SCN1A: variants seen among roughly 807,000 people sequenced by gnomAD.
SCN1A encodes sodium channel protein type 1 subunit alpha.
In SCN1A, 13 loss-of-function variants were observed where a neutral mutation model predicts 193.7. The observed-to-expected ratio is 0.07, with a 90% CI of 0.04 to 0.11. The LOEUF (loss-of-function observed/expected upper bound fraction) is 0.11. SCN1A is among the 10% of genes least tolerant of loss of function. The pLI, the probability that SCN1A is intolerant of heterozygous loss-of-function variation, is 1.00. For missense variants in SCN1A, 1,432 were observed against 2,451.1 expected, an observed-to-expected ratio of 0.58 and a Z score of 8.78; for synonymous variants, 781 against 843.6, an observed-to-expected ratio of 0.93 and a Z score of 1.29.
intron 28 of SCN1A, chr2:165,993,210 T>TGTGTGAGA (rs1344882182): frequency 8.1e-6 from 1 of 122,764 alleles, no homozygotes; most frequent in Non-Finnish European, 1.8e-5. Context: ...TGTGTGTGTG[T>TGTGTGAGA]GAGAGAGAGA....
intron 2 of SCN1A, among the ~76,000 whole-genome samples, chr2:166,080,177 A>G (rs1191732957): frequency 6.6e-6 from 1 of 151,758 alleles, no homozygotes; most frequent in East Asian, 1.9e-4. Flanking sequence ...TTTATAACAG[A>G]AGACTTAATT....
chr2:166,034,702 A>T (rs988800884), intron 19 of SCN1A, among the ~76,000 whole-genome samples: 1 of 152,212 alleles, frequency 6.6e-6, no homozygotes, highest in Admixed American at 6.5e-5. Context: ...TCTAACCTTC[A>T]ATATGACTGT....
chr2:166,020,068 G>A (rs1693824877), intron 19 of SCN1A, among the ~76,000 whole-genome samples: 1 of 151,914 alleles, frequency 6.6e-6, no homozygotes, highest in Non-Finnish European at 1.5e-5. Context: ...CCGCCACCAT[G>A]CCCGGCTAAT....
intron 1 of SCN1A, among the ~76,000 whole-genome samples, chr2:166,133,588 A>G (rs1691743902): frequency 6.6e-6 from 1 of 152,190 alleles, no homozygotes; most frequent in South Asian, 2.1e-4. Context: ...CAGCACTTCA[A>G]AAATTACTAT....
chr2:166,032,202 TACACACACACAC>T, intron 19 of SCN1A, among the ~76,000 whole-genome samples: 2 of 77,246 alleles, frequency 2.6e-5, no homozygotes, highest in Non-Finnish European at 2.3e-5. Flanking sequence ...TTGAAAGTCA[TACACACACACAC>T]ACACACACAC....
intron 1 of SCN1A, among the ~76,000 whole-genome samples, chr2:166,127,234 G>A (rs56362253): frequency 0.019 from 2,884 of 152,274 alleles, 42 homozygotes; most frequent in Non-Finnish European, 0.032. Flanking sequence ...CAAGGCATGA[G>A]GCATTTCTTC....
Position 166,117,999 on chromosome 2 carries a change from A to G in SCN1A, c.-142+8925T>C, listed in dbSNP as rs562610344. Among the ~76,000 whole-genome samples the G allele has an allele frequency of 4.6e-5, 7 of 151,806 alleles. No individual in the cohort carries two copies. In the East Asian group the frequency reaches 5.8e-4, roughly 13 times the overall value. On this transcript the variant is annotated intron_variant, in intron 2 of 28. Coordinates refer to ENST00000674923, the MANE Select transcript of SCN1A (RefSeq NM_001165963.4). ...TTTTTTTTTTGATTTTTTGGATTAT[A>G]TTCTATATGCATTAAAGACTATGAA...
intron 1 of SCN1A, among the ~76,000 whole-genome samples, chr2:166,145,468 C>A (rs1692284003): frequency 6.6e-6 from 1 of 151,956 alleles, no homozygotes; most frequent in African/African-American, 2.4e-5. Context: ...CTCAGAATAG[C>A]ACCTAATTTG....
At chr2:166,129,913 T>C (rs1424124029), upstream of SCN1A, among the ~76,000 whole-genome samples, 1 of 152,116 alleles carries the variant, frequency 6.6e-6, no homozygotes, top group Non-Finnish European at 1.5e-5. Context: ...AGAGGGTATC[T>C]ACGCAGCTGA....
At position 166,009,754 on chromosome 2, in the gene SCN1A, G is replaced by A; in HGVS notation, c.3967C>T (p.Pro1323Ser). 1.2e-6 allele frequency: 2 copies of A among 1,606,310 alleles called. No homozygotes were observed. Among genetic ancestry groups the A allele is most frequent in the Non-Finnish European group, 1.7e-6 (2 of 1,174,556 alleles). ...TCAAATCGAGATAAGGCTCTTAGAG[G>A]TCTCAGAGCTCTTAGTGTCCTGAGA... ...KSLRTLRALRPLRALSRFEGM... is the reference protein window; with the variant it reads ...KSLRTLRALRSLRALSRFEGM... Residue 1323 changes from proline (P) to serine (S), a missense_variant, in exon 23 of 29, where the codon CCT (proline) becomes TCT (serine). By Grantham distance (74) the Pro-to-Ser change is moderately conservative. Coordinates refer to ENST00000674923, the MANE Select transcript of SCN1A (RefSeq NM_001165963.4).
At chr2:166,051,032 TA>T in intron 9 of SCN1A, among the ~76,000 whole-genome samples, 1 of 152,118 alleles carries the variant, frequency 6.6e-6, no homozygotes, top group Admixed American at 6.6e-5. Context: ...TACATTTGCA[TA>T]GTATTGTAGA....
At chr2:166,038,190 G>T in intron 17 of SCN1A, 58 bp from the exon 18 acceptor site, 3 of 1,283,910 alleles carry the variant, frequency 2.3e-6, no homozygotes, top group South Asian at 1.4e-5. Flanking sequence ...TATATATATT[G>T]AGCTTTACCT....
intron 3 of SCN1A, among the ~76,000 whole-genome samples, chr2:166,074,235 C>G (rs1250436266): frequency 6.6e-6 from 1 of 152,182 alleles, no homozygotes; most frequent in Non-Finnish European, 1.5e-5. Flanking sequence ...ATGTCCTGCT[C>G]ACTTCACTAG....
intron 2 of SCN1A, among the ~76,000 whole-genome samples, chr2:166,120,159 ATTT>A (rs71395206): frequency 6.7e-6 from 1 of 148,216 alleles, no homozygotes; most frequent in African/African-American, 2.5e-5. Context: ...TTCTATTTAA[ATTT>A]TTTTTTTGTT....
Position 166,046,760 on chromosome 2 carries a change from G to A in SCN1A, c.1377+10C>T, listed in dbSNP as rs56112036. 4.0e-4 allele frequency: 645 copies of A among 1,613,134 alleles called. 3 individuals carry two copies. In the African/African-American group the frequency reaches 7.8e-3, roughly 20 times the overall value. On this transcript the variant is annotated intron_variant, in intron 12 of 28. Coordinates refer to ENST00000674923, the MANE Select transcript of SCN1A (RefSeq NM_001165963.4). Reference sequence around the variant, plus strand: ...TAAAAGGTCAGTGCCATGAGACAGGGCAGCTTTACCTGAGCTGCCTCCTGT... The same window carrying A: ...TAAAAGGTCAGTGCCATGAGACAGGACAGCTTTACCTGAGCTGCCTCCTGT...
At chr2:166,099,080 T>A (rs573627) in intron 2 of SCN1A, among the ~76,000 whole-genome samples, 38,968 of 151,940 alleles carry the variant, frequency 0.26, 5,077 homozygotes, top group Non-Finnish European at 0.27. Flanking sequence ...GAACAATGTC[T>A]GAGGCATCAC....
chr2:166,088,324 G>T (rs1686374634), intron 2 of SCN1A, among the ~76,000 whole-genome samples: 1 of 151,132 alleles, frequency 6.6e-6, no homozygotes, highest in Non-Finnish European at 1.5e-5. Flanking sequence ...TGCATGTCCT[G>T]CATTCTCTCC....
chr2:166,144,962 C>T (rs939710589), intron 1 of SCN1A, among the ~76,000 whole-genome samples: 3 of 151,470 alleles, frequency 2.0e-5, no homozygotes, highest in Non-Finnish European at 4.4e-5. Flanking sequence ...AGCGATTCTC[C>T]TGCCTCTGCC....
At chr2:166,094,232 G>A (rs1377865657) in intron 2 of SCN1A, among the ~76,000 whole-genome samples, 1 of 152,110 alleles carries the variant, frequency 6.6e-6, no homozygotes, top group Non-Finnish European at 1.5e-5. Context: ...CTTGGAGAAC[G>A]ACTAATTTTG....
Sources: gnomAD v4.1 joint callset for allele counts (sites outside exome capture counted in the v4.1 genomes callset) on GRCh38, gnomAD v4.1.1 for gene constraint, MANE v1.5 for transcripts, NCBI Gene and HGNC (gene_info 2026-07-23, HGNC 2026-07-21) for gene names.